The following SGSM2 variants were observed in gnomAD, a reference collection of about 807,000 sequenced individuals.
The protein encoded by SGSM2 is RUN and TBC1 domain containing 1.
Under a neutral mutation model 126.6 loss-of-function variants are expected in SGSM2, and 89 were observed. That is an observed-to-expected ratio of 0.70 (90% CI 0.59 to 0.84). The LOEUF (loss-of-function observed/expected upper bound fraction) is 0.84. SGSM2 is among the 40% of genes least tolerant of loss of function. The probability of loss-of-function intolerance (pLI) is 0.00; values close to 1 mark genes in which losing one functional copy is unlikely to be tolerated. For synonymous variants in SGSM2, 614 were observed against 574.3 expected, an observed-to-expected ratio of 1.07 and a Z score of -0.99; for missense variants, 1,404 against 1,416.6, an observed-to-expected ratio of 0.99 and a Z score of 0.14.
At chr17:2,346,128 T>G (rs2064588758) in intron 2 of SGSM2, among the ~76,000 whole-genome samples, 1 of 152,210 alleles carries the variant, frequency 6.6e-6, no homozygotes, top group African/African-American at 2.4e-5. Flanking sequence ...AACTGTGCCT[T>G]GCTACTGTCC....
chr17:2,350,677 C>T (rs748148560), intron 2 of SGSM2, among the ~76,000 whole-genome samples: 10 of 152,010 alleles, frequency 6.6e-5, no homozygotes, highest in East Asian at 1.9e-4. Context: ...CAGCCTCCAG[C>T]GTGCCGGTGG....
intron 1 of SGSM2, among the ~76,000 whole-genome samples, chr17:2,342,291 G>T (rs1433253289): frequency 6.6e-6 from 1 of 151,858 alleles, no homozygotes; most frequent in Non-Finnish European, 1.5e-5. Flanking sequence ...AGGTGTGGTG[G>T]TGCATGCCTG....
rs112430514 is a variant in SGSM2, at chr17:2,376,524, G to T, written c.2610-209G>T. Reference sequence around the variant, plus strand: ...CCCCGCCCCACATACCAAGCGTGACGGCCTTGGCTCTCCCTAAGTCGGAGT... The same window carrying T: ...CCCCGCCCCACATACCAAGCGTGACTGCCTTGGCTCTCCCTAAGTCGGAGT... On this transcript the variant is annotated intron_variant, in intron 19 of 23. Coordinates refer to ENST00000268989, the MANE Select transcript of SGSM2 (RefSeq NM_014853.3). 19 of 678,326 alleles carry T rather than the reference G, an allele frequency of 2.8e-5. No homozygotes were observed. In the African/African-American group the frequency reaches 2.9e-4, roughly 10 times the overall value. The allele number at this position is 678,326 out of a possible 1,614,324, so 42.0% of individuals were successfully genotyped here. A position where few individuals can be genotyped will look rare whatever the true frequency, so the allele number is the denominator to read the frequency against.
chr17:2,354,887 C>G (rs3095372), intron 2 of SGSM2, among the ~76,000 whole-genome samples: 80,103 of 109,346 alleles, frequency 0.73, 27,347 homozygotes, highest in East Asian at 0.81. Flanking sequence ...GGGGTGTAAG[C>G]GTTGGGGAAG....
In SGSM2 at chr17:2,375,770, A is replaced by C; in HGVS notation, c.2379A>C (p.Ala793=). 2 of 1,595,914 alleles carry C rather than the reference A, an allele frequency of 1.3e-6. No homozygotes were observed. The highest frequency in any genetic ancestry group is 8.5e-7 in the Non-Finnish European group (1 of 1,169,620). Residue 793 remains alanine, a synonymous_variant, in exon 18 of 24, where the codon GCA becomes GCC. Transcript: ENST00000268989. ...GEEGSSGPGP[A]AHTLREPQDP... is the part of the protein sequence containing the mutation. Reference sequence around the variant, plus strand: ...AAGGCTCCAGTGGGCCCGGCCCTGCAGCTCACACTTTGAGGGAGCCCCAGG... The same window carrying C: ...AAGGCTCCAGTGGGCCCGGCCCTGCCGCTCACACTTTGAGGGAGCCCCAGG...
At chr17:2,358,488 T>A in intron 2 of SGSM2, among the ~76,000 whole-genome samples, 1 of 152,114 alleles carries the variant, frequency 6.6e-6, no homozygotes, top group East Asian at 1.9e-4. Context: ...GGTGGAAGGA[T>A]CACTTGAGCC....
chr17:2,362,184 T>C lies in SGSM2; in HGVS notation c.372T>C (p.Pro124=), dbSNP rs1292619500. Reference sequence around the variant, plus strand: ...GCGGGAAGGCCCCGGCCCTCAGCCCTCAGGCCTTGAAACACGTATGGGTAC... The same window carrying C: ...GCGGGAAGGCCCCGGCCCTCAGCCCCCAGGCCTTGAAACACGTATGGGTAC... The part of the protein sequence containing the change: ...SASGKAPALS[P]QALKHVWVRT... Residue 124 remains proline (P), a synonymous_variant, in exon 4 of 24, where the codon CCT becomes CCC. Coordinates refer to ENST00000268989, the MANE Select transcript of SGSM2 (RefSeq NM_014853.3). The surrounding 1 kb of genome is among the most constrained non-coding windows in gnomAD (Gnocchi z 4.9). 1.2e-5 allele frequency: 20 copies of C among 1,613,594 alleles called. No individual in the cohort carries two copies. The highest frequency in any genetic ancestry group is 1.6e-5 in the Non-Finnish European group (19 of 1,179,930).
chr17:2,360,418 A>G (rs1323823550), intron 2 of SGSM2, among the ~76,000 whole-genome samples: 1 of 152,190 alleles, frequency 6.6e-6, no homozygotes, highest in Non-Finnish European at 1.5e-5. Context: ...GCAGCCTTGG[A>G]TCGTCTCTCC....
chr17:2,380,478 T>A lies in SGSM2; in HGVS notation c.*958T>A. ...CCCTGAGACTGCGGGAGGCAGGGGA[T>A]GCATGGGTGTCCCCATCTGTCCCTG... On this transcript the variant is annotated 3_prime_UTR_variant, in exon 24 of 24. Transcript: ENST00000268989. 1.5e-6 allele frequency: 1 copy of A among 658,420 alleles called. No homozygotes were observed. The highest frequency in any genetic ancestry group is 2.7e-6 in the Non-Finnish European group (1 of 370,656). The allele number at this position is 658,420 out of a possible 1,614,324, so 40.8% of individuals were successfully genotyped here. A position where few individuals can be genotyped will look rare whatever the true frequency, so the allele number is the denominator to read the frequency against.
chr17:2,357,202 GGTGTCCAACA>G (rs2065123684), intron 2 of SGSM2, among the ~76,000 whole-genome samples: 1 of 152,040 alleles, frequency 6.6e-6, no homozygotes. Flanking sequence ...CCTTTGTAGG[GGTGTCCAACA>G]GTGTGCTGGA....
intron 2 of SGSM2, among the ~76,000 whole-genome samples, chr17:2,347,025 G>A (rs1015365493): frequency 1.2e-4 from 19 of 152,136 alleles, no homozygotes; most frequent in African/African-American, 3.1e-4. Context: ...GGAGGTTGAG[G>A]CTGCAGTGAG....
chr17:2,363,337 T>G lies in SGSM2; in HGVS notation c.673-128T>G, dbSNP rs2065405714. 1 of 1,461,686 alleles carries G rather than the reference T, an allele frequency of 6.8e-7. No individual in the cohort carries two copies. Among genetic ancestry groups the G allele is most frequent in the Admixed American group, 2.1e-5 (1 of 46,896 alleles). 90.5% of individuals were successfully genotyped at this position (1,461,686 alleles called of 1,614,324 possible). Reference sequence around the variant, plus strand: ...CCGTGGCTGGAGAGCAGAGGGTGGCTGGGAGTAAACCGGGGCAGGAAGGAC... The same window carrying G: ...CCGTGGCTGGAGAGCAGAGGGTGGCGGGGAGTAAACCGGGGCAGGAAGGAC... On this transcript the variant is annotated intron_variant, in intron 6 of 23. Transcript: ENST00000268989. The surrounding 1 kb of genome is among the most constrained non-coding windows in gnomAD (Gnocchi z 4.2).
intron 2 of SGSM2, among the ~76,000 whole-genome samples, chr17:2,358,245 G>A (rs1325334117): frequency 1.3e-5 from 2 of 152,226 alleles, no homozygotes; most frequent in Non-Finnish European, 1.5e-5. Context: ...CCCTGGGGAA[G>A]GGTCCTTCAC....
intron 12 of SGSM2, among the ~76,000 whole-genome samples, chr17:2,369,639 G>A (rs575838892): frequency 2.6e-5 from 4 of 152,102 alleles, no homozygotes; most frequent in African/African-American, 7.2e-5. Flanking sequence ...GACCTTGGCT[G>A]GGCCTCCTTT....
intron 12 of SGSM2, among the ~76,000 whole-genome samples, chr17:2,369,571 G>C (rs149323998): frequency 2.6e-5 from 4 of 152,166 alleles, no homozygotes; most frequent in Non-Finnish European, 4.4e-5. Flanking sequence ...GACAGTGTTC[G>C]AATGTGGCTG....
chr17:2,371,960 G>A (rs367791802), intron 13 of SGSM2: 25 of 555,124 alleles, frequency 4.5e-5, no homozygotes, highest in African/African-American at 3.9e-4. Context: ...GGTGAAGTTC[G>A]TTGACCAAGA....
intron 1 of SGSM2, among the ~76,000 whole-genome samples, chr17:2,341,767 G>A (rs1297124323): frequency 6.6e-6 from 1 of 152,222 alleles, no homozygotes; most frequent in Non-Finnish European, 1.5e-5. Context: ...ATACATGGGA[G>A]TGTAAAGTGG....
chr17:2,345,420 C>T (rs977641056), intron 2 of SGSM2, among the ~76,000 whole-genome samples: 65 of 151,844 alleles, frequency 4.3e-4, no homozygotes, highest in Admixed American at 1.4e-3. Context: ...CACGGTGAAA[C>T]CCCGTCTCTA....
intron 2 of SGSM2, among the ~76,000 whole-genome samples, chr17:2,357,457 C>T (rs57777768): frequency 0.1 from 15,871 of 152,164 alleles, 1,577 homozygotes; most frequent in African/African-American, 0.26. Context: ...ACATTCATGG[C>T]ATTCGCAGCA....
Sources: allele counts gnomAD v4.1 joint callset (sites outside exome capture counted in the v4.1 genomes callset), GRCh38; gene constraint gnomAD v4.1.1; non-coding constraint Gnocchi (gnomAD v3.1); transcripts MANE v1.5; gene names NCBI Gene and HGNC (gene_info 2026-07-23, HGNC 2026-07-21).